SYNDIG1L: variants seen among roughly 807,000 people sequenced by gnomAD.
The protein encoded by SYNDIG1L is synapse differentiation-inducing gene protein 1-like.
In SYNDIG1L, 13 loss-of-function variants were observed where a neutral mutation model predicts 20.1. The observed-to-expected ratio is 0.65, with a 90% CI of 0.42 to 1.03. SYNDIG1L has a LOEUF of 1.03. Ranked by LOEUF, SYNDIG1L falls within the 50% of genes least tolerant of loss-of-function variation. The probability of loss-of-function intolerance (pLI) is 0.00; values close to 1 mark genes in which losing one functional copy is unlikely to be tolerated. For missense variants in SYNDIG1L, 294 were observed against 305.1 expected (o/e 0.96, Z 0.27); for synonymous variants, 128 against 129.3 (o/e 0.99, Z 0.07).
At chr14:74,409,219 C>T in intron 2 of SYNDIG1L, 109 bp downstream of exon 2, 1 of 810,726 alleles carries the variant, frequency 1.2e-6, no homozygotes, top group Non-Finnish European at 1.9e-6. Context: ...GCTGGGACCA[C>T]AGGCACATGC....
At chr14:74,468,690 A>G in the SYNDIG1L span, among the ~76,000 whole-genome samples, 1 of 151,928 alleles carries the variant, frequency 6.6e-6, no homozygotes, top group Non-Finnish European at 1.5e-5. Context: ...TGAGTTACTC[A>G]TCGAGGACTT....
At chr14:74,442,907 A>G in the SYNDIG1L span, among the ~76,000 whole-genome samples, 1 of 152,202 alleles carries the variant, frequency 6.6e-6, no homozygotes, top group Admixed American at 6.5e-5. Context: ...GCAGTTTGCT[A>G]AAAGAGGGAC....
At chr14:74,418,185 G>C (rs753187989) in intron 1 of SYNDIG1L, among the ~76,000 whole-genome samples, 2 of 152,204 alleles carry the variant, frequency 1.3e-5, no homozygotes, top group Non-Finnish European at 2.9e-5. Flanking sequence ...ATGGCTTGGC[G>C]CTGGATTTGA....
chr14:74,423,460 A>C (rs2086240385), intron 1 of SYNDIG1L, among the ~76,000 whole-genome samples: 1 of 152,152 alleles, frequency 6.6e-6, no homozygotes, highest in African/African-American at 2.4e-5. Flanking sequence ...CAGAGAGCTG[A>C]TTCTTGCCAG....
At chr14:74,464,528 T>A in the SYNDIG1L span, among the ~76,000 whole-genome samples, 2 of 152,270 alleles carry the variant, frequency 1.3e-5, no homozygotes, top group Admixed American at 1.3e-4. Flanking sequence ...ACAAATGCAT[T>A]GCTCTGGGAG....
At position 74,409,593 on chromosome 14, in the gene SYNDIG1L, G is replaced by T. The variant is rs779831303; in HGVS notation, c.152C>A (p.Ala51Asp). Residue 51 changes from alanine to aspartate, a missense_variant, in exon 2 of 4, where the codon GCC becomes GAC. Physicochemically the swap from Ala to Asp is moderately radical, Grantham distance 126. Transcript: ENST00000331628. ...YLLGGAGPAG[A>D]HQLLDPGSLQ... ...GGACCCTGGGTCCAGGAGCTGGTGG[G>T]CTCCGGCAGGCCCAGCGCCACCTAG... 3 of 1,506,920 alleles carry T rather than the reference G, an allele frequency of 2.0e-6. No individual in the cohort carries two copies. In the East Asian group the frequency reaches 7.1e-5, roughly 36 times the overall value. The allele number at this position is 1,506,920 out of a possible 1,614,324, so 93.3% of individuals were successfully genotyped here. A position where few individuals can be genotyped will look rare whatever the true frequency, so the allele number is the denominator to read the frequency against.
At chr14:74,477,118 AACAC>A in the SYNDIG1L span, among the ~76,000 whole-genome samples, 194 of 83,114 alleles carry the variant, frequency 2.3e-3, 3 homozygotes, top group South Asian at 3.8e-3. Context: ...CCCCATTCCC[AACAC>A]ACACACACAC....
chr14:74,469,787 C>G, the SYNDIG1L span, among the ~76,000 whole-genome samples: 17 of 152,168 alleles, frequency 1.1e-4, no homozygotes, highest in African/African-American at 4.1e-4. Context: ...GTTTTTGCTG[C>G]TAAGTCTGGC....
chr14:74,434,900 T>G, the SYNDIG1L span, among the ~76,000 whole-genome samples: 7 of 129,042 alleles, frequency 5.4e-5, no homozygotes, highest in East Asian at 2.3e-4. Context: ...GCTAATACAG[T>G]GAAACCCCAT....
At chr14:74,477,369 C>T in the SYNDIG1L span, among the ~76,000 whole-genome samples, 1 of 152,164 alleles carries the variant, frequency 6.6e-6, no homozygotes, top group Non-Finnish European at 1.5e-5. Context: ...AAGTGAATGG[C>T]TGATCCCAGA....
chr14:74,413,401 T>C (rs1304071422), intron 1 of SYNDIG1L, among the ~76,000 whole-genome samples: 3 of 152,166 alleles, frequency 2.0e-5, no homozygotes, highest in Non-Finnish European at 4.4e-5. Context: ...CACAATACAG[T>C]TGTACGAGGC....
intron 1 of SYNDIG1L, among the ~76,000 whole-genome samples, chr14:74,420,106 C>T (rs1026484791): frequency 1.3e-5 from 2 of 152,000 alleles, no homozygotes; most frequent in Non-Finnish European, 2.9e-5. Context: ...TGTAGGAATG[C>T]AGGCAGAAGG....
upstream of SYNDIG1L, among the ~76,000 whole-genome samples, chr14:74,427,543 A>G (rs2086276277): frequency 6.6e-6 from 1 of 152,166 alleles, no homozygotes; most frequent in Non-Finnish European, 1.5e-5. Flanking sequence ...AAGGCAGGAC[A>G]GAGAACTCCC....
the SYNDIG1L span, among the ~76,000 whole-genome samples, chr14:74,468,009 C>T: frequency 9.2e-5 from 14 of 152,020 alleles, no homozygotes; most frequent in Non-Finnish European, 1.5e-4. Context: ...AGAGTGAGAT[C>T]CATGGAGCCC....
intron 1 of SYNDIG1L, among the ~76,000 whole-genome samples, chr14:74,420,018 C>T (rs2086208844): frequency 6.6e-6 from 1 of 152,180 alleles, no homozygotes; most frequent in East Asian, 1.9e-4. Context: ...TTAGACAGAG[C>T]ACTCTGATGG....
At chr14:74,445,135 T>C in the SYNDIG1L span, among the ~76,000 whole-genome samples, 1 of 152,068 alleles carries the variant, frequency 6.6e-6, no homozygotes, top group Non-Finnish European at 1.5e-5. Context: ...ACCTGGTTGT[T>C]TTAAAGGGCC....
intron 1 of SYNDIG1L, among the ~76,000 whole-genome samples, chr14:74,422,771 T>C (rs530290920): frequency 6.7e-6 from 1 of 148,180 alleles, no homozygotes; most frequent in East Asian, 2.1e-4. Flanking sequence ...TGCAGTGCAA[T>C]GGCACGATCT....
the SYNDIG1L span, among the ~76,000 whole-genome samples, chr14:74,478,681 T>C: frequency 3.9e-5 from 6 of 152,162 alleles, no homozygotes; most frequent in Admixed American, 2.6e-4. Flanking sequence ...TTTCAGAAAG[T>C]TCTTGTGCAC....
chr14:74,441,863 T>A, the SYNDIG1L span, among the ~76,000 whole-genome samples: 3 of 152,106 alleles, frequency 2.0e-5, no homozygotes, highest in Admixed American at 6.6e-5. Flanking sequence ...ATAAAAAAAA[T>A]TTCCAAGAGT....
Sources: allele counts gnomAD v4.1 joint callset (sites outside exome capture counted in the v4.1 genomes callset), GRCh38; gene constraint gnomAD v4.1.1; transcripts MANE v1.5; gene names NCBI Gene and HGNC (gene_info 2026-07-23, HGNC 2026-07-21).